The following SIPA1L3 variants were observed in gnomAD, a reference collection of about 807,000 sequenced individuals.
SIPA1L3 encodes the protein signal induced proliferation associated 1 like 3.
SIPA1L3 carries 59 observed loss-of-function variants against 150.1 expected under a neutral mutation model. The ratio of observed to expected loss-of-function variants is 0.39; its 90% CI spans 0.32 to 0.49. The LOEUF (loss-of-function observed/expected upper bound fraction) is 0.49, where lower values mean the gene tolerates loss of function less well. Among genes scored for constraint, SIPA1L3 ranks in the 20% least tolerant of loss-of-function variants. SIPA1L3 has a pLI of 0.86. For missense variants in SIPA1L3, 2,211 were observed against 2,489.5 expected (o/e 0.89, Z 2.38); for synonymous variants, 1,070 against 1,077.6 (o/e 0.99, Z 0.14).
chr19:38,170,325 T>A (rs1972299276), intron 15 of SIPA1L3, among the ~76,000 whole-genome samples: 1 of 152,188 alleles, frequency 6.6e-6, no homozygotes, highest in African/African-American at 2.4e-5. Context: ...GGGCCAGACC[T>A]TGGTTCAAGT....
chr19:37,931,339 C>T (rs1196135527), intron 1 of SIPA1L3, among the ~76,000 whole-genome samples: 1 of 151,950 alleles, frequency 6.6e-6, no homozygotes, highest in Non-Finnish European at 1.5e-5. Flanking sequence ...CAGTGAGACC[C>T]TTGTCTCTAC....
At chr19:37,914,024 C>CAA (rs58768492) in intron 1 of SIPA1L3, among the ~76,000 whole-genome samples, 10 of 110,774 alleles carry the variant, frequency 9.0e-5, no homozygotes, top group Non-Finnish European at 1.4e-4. Context: ...GAGGCCGTCT[C>CAA]AAAAAAAAAA....
At chr19:38,199,892 G>A (rs1973047466) in intron 19 of SIPA1L3, 1 of 152,058 alleles carries the variant, frequency 6.6e-6, no homozygotes. Flanking sequence ...GCTACTTAGT[G>A]AAGTTTCTAC....
chr19:38,082,412 G>T lies in SIPA1L3; in HGVS notation c.847G>T (p.Ala283Ser), dbSNP rs773758289. 3 of 1,597,692 alleles carry T rather than the reference G, an allele frequency of 1.9e-6. No individual in the cohort carries two copies. The highest frequency in any genetic ancestry group is 2.6e-6 in the Non-Finnish European group (3 of 1,176,222). Residue 283 changes from alanine (A) to serine (S), a missense_variant, in exon 3 of 22, where the codon GCC (alanine) becomes TCC (serine). Physicochemically the swap from Ala to Ser is moderately conservative, Grantham distance 99. Around this residue, in one of 5 missense-constraint regions of SIPA1L3, gnomAD observed 587 missense variants for 534.5 expected, o/e 1.10. Transcript: ENST00000222345. ...PLQPTKEKEK[A>S]RKKPARGLGG... ...GCAGCCCACGAAGGAGAAGGAGAAGGCCCGGAAGAAACCTGCGCGGGGCCT... is the reference window on the plus strand; with the variant it reads ...GCAGCCCACGAAGGAGAAGGAGAAGTCCCGGAAGAAACCTGCGCGGGGCCT...
At chr19:38,013,903 G>A (rs964965946) in intron 1 of SIPA1L3, among the ~76,000 whole-genome samples, 1 of 152,260 alleles carries the variant, frequency 6.6e-6, no homozygotes, top group African/African-American at 2.4e-5. Flanking sequence ...TTTCTGCGAT[G>A]TATTTAAGGG....
At chr19:38,193,000 G>T (rs1194529413) in intron 17 of SIPA1L3, among the ~76,000 whole-genome samples, 2 of 152,224 alleles carry the variant, frequency 1.3e-5, no homozygotes, top group Non-Finnish European at 2.9e-5. Context: ...GGAGGGTGGG[G>T]TTGGGGAGTG....
intron 1 of SIPA1L3, among the ~76,000 whole-genome samples, chr19:37,928,038 C>T (rs549100663): frequency 2.0e-5 from 3 of 152,198 alleles, no homozygotes; most frequent in South Asian, 2.1e-4. Context: ...GTGCAGGTGT[C>T]GTTTGGTAGA....
chr19:38,023,087 G>T lies in SIPA1L3; in HGVS notation c.-378-6002G>T, dbSNP rs111784038. 5.0e-3 allele frequency among the ~76,000 whole-genome samples: 760 copies of T among 152,298 alleles called. 4 individuals carry two copies. The highest frequency in any genetic ancestry group is 0.017 in the African/African-American group (727 of 41,550). ...GGCCACACAGCATTTTCTTCCCAGA[G>T]CAGCTTATCTGCAGAGGTCTGTCTG... is the stretch of plus-strand genomic sequence containing the variant. On this transcript the variant is annotated intron_variant, in intron 1 of 21. Transcript: ENST00000222345.
At chr19:38,086,975 G>A (rs1970145950) in intron 3 of SIPA1L3, among the ~76,000 whole-genome samples, 1 of 152,226 alleles carries the variant, frequency 6.6e-6, no homozygotes, top group Non-Finnish European at 1.5e-5. Context: ...CCTTTGGATG[G>A]TGGAAGATGA....
Position 38,207,963 on chromosome 19 carries a change from TC to T in SIPA1L3, c.*1728del, listed in dbSNP as rs1164322205. ...GGCCAGCTACTGTGATGCCATCTTCTCCCCCATCCCCTTCTCTGGGGGGCCC... is the reference window on the plus strand; with the variant it reads ...GGCCAGCTACTGTGATGCCATCTTCTCCCCATCCCCTTCTCTGGGGGGCCC... On this transcript the variant is annotated 3_prime_UTR_variant, in exon 22 of 22. Coordinates refer to ENST00000222345, the MANE Select transcript of SIPA1L3 (RefSeq NM_015073.3). The T allele has an allele frequency of 7.0e-6, 1 of 143,584 alleles. No individual in the cohort carries two copies. Among genetic ancestry groups the T allele is most frequent in the African/African-American group, 2.6e-5 (1 of 37,802 alleles). 8.9% of individuals were successfully genotyped at this position (143,584 alleles called of 1,614,324 possible).
intron 2 of SIPA1L3, among the ~76,000 whole-genome samples, chr19:38,056,403 C>T (rs1294121527): frequency 6.6e-6 from 1 of 152,194 alleles, no homozygotes; most frequent in Admixed American, 6.5e-5. Flanking sequence ...CCTCCATCCC[C>T]CTCACCCACT....
chr19:37,953,531 CATGT>C (rs895337939), intron 1 of SIPA1L3, among the ~76,000 whole-genome samples: 29 of 105,566 alleles, frequency 2.7e-4, no homozygotes, highest in African/African-American at 9.6e-4. Flanking sequence ...ATGCATTCCT[CATGT>C]GTGTGTGTGT....
chr19:37,957,631 T>C (rs2145566657), intron 1 of SIPA1L3, among the ~76,000 whole-genome samples: 1 of 152,130 alleles, frequency 6.6e-6, no homozygotes, highest in African/African-American at 2.4e-5. Flanking sequence ...TCATGGCCTT[T>C]TGGGCTCAAG....
chr19:38,013,530 T>C (rs1968157907), intron 1 of SIPA1L3, among the ~76,000 whole-genome samples: 2 of 152,200 alleles, frequency 1.3e-5, no homozygotes, highest in Admixed American at 1.3e-4. Flanking sequence ...AGGACACCCA[T>C]GTCACACATG....
At chr19:38,199,877 C>G (rs1456500313) in intron 19 of SIPA1L3, 1 of 151,982 alleles carries the variant, frequency 6.6e-6, no homozygotes, top group African/African-American at 2.4e-5. Context: ...ATTTTATCCA[C>G]TAGAGCTACT....
At chr19:38,068,793 G>C (rs1292558204) in intron 2 of SIPA1L3, among the ~76,000 whole-genome samples, 1 of 152,088 alleles carries the variant, frequency 6.6e-6, no homozygotes, top group Non-Finnish European at 1.5e-5. Context: ...GGAATTTAAG[G>C]GCTGCAGTGA....
At chr19:38,138,159 T>A (rs1487678638) in intron 10 of SIPA1L3, among the ~76,000 whole-genome samples, 1 of 151,734 alleles carries the variant, frequency 6.6e-6, no homozygotes, top group East Asian at 1.9e-4. Flanking sequence ...ATAAAGTAAC[T>A]AAAGGAAAAG....
At chr19:38,033,648 G>A (rs1654345) in intron 2 of SIPA1L3, among the ~76,000 whole-genome samples, 105,470 of 151,674 alleles carry the variant, frequency 0.7, 37,451 homozygotes, top group Middle Eastern at 0.84. Context: ...CTCCAGCCCC[G>A]GGCAATAGAG....
intron 2 of SIPA1L3, among the ~76,000 whole-genome samples, chr19:38,080,969 CAA>C (rs34741674): frequency 8.7e-4 from 102 of 117,512 alleles, no homozygotes; most frequent in African/African-American, 9.7e-4. Context: ...GACTCTGTCT[CAA>C]AAAAAAAAAA....
Sources: allele counts gnomAD v4.1 joint callset (sites outside exome capture counted in the v4.1 genomes callset), GRCh38; gene constraint gnomAD v4.1.1; regional missense constraint gnomAD v4.1.1; transcripts MANE v1.5; gene names NCBI Gene and HGNC (gene_info 2026-07-23, HGNC 2026-07-21).